The following PTPRK variants were observed in gnomAD, a reference collection of about 807,000 sequenced individuals.
PTPRK encodes the protein protein tyrosine phosphatase receptor type K.
Under a neutral mutation model 178.0 loss-of-function variants are expected in PTPRK, and 75 were observed. The observed-to-expected ratio is 0.42, with a 90% CI of 0.35 to 0.51. The LOEUF (loss-of-function observed/expected upper bound fraction) is 0.51, where lower values mean the gene tolerates loss of function less well. Ranked by LOEUF, PTPRK falls within the 20% of genes least tolerant of loss-of-function variation. PTPRK has a pLI of 0.02. For synonymous variants in PTPRK, 637 were observed against 620.6 expected, an observed-to-expected ratio of 1.03 and a Z score of -0.39; for missense variants, 1,441 against 1,797.8, an observed-to-expected ratio of 0.80 and a Z score of 3.59.
chr6:128,139,236 C>A (rs965923591), intron 7 of PTPRK, among the ~76,000 whole-genome samples: 5 of 151,956 alleles, frequency 3.3e-5, no homozygotes, highest in African/African-American at 1.2e-4. Context: ...GAACTTCCTG[C>A]AAGCAGTGGT....
At chr6:128,340,702 T>C in intron 2 of PTPRK, 1 of 422,306 alleles carries the variant, frequency 2.4e-6, no homozygotes, top group Non-Finnish European at 4.5e-6. Flanking sequence ...TAATATAAAA[T>C]GATGCTTTGT....
intron 13 of PTPRK, among the ~76,000 whole-genome samples, chr6:128,013,328 C>G (rs1779249371): frequency 6.6e-6 from 1 of 151,366 alleles, no homozygotes. Flanking sequence ...TATCCATTTT[C>G]ATCTCTTTAG....
At chr6:128,390,232 T>C (rs1318282924) in intron 2 of PTPRK, among the ~76,000 whole-genome samples, 1 of 152,184 alleles carries the variant, frequency 6.6e-6, no homozygotes, top group African/African-American at 2.4e-5. Context: ...TTACCATACA[T>C]GCTCTAATGA....
intron 13 of PTPRK, among the ~76,000 whole-genome samples, chr6:128,034,265 T>C (rs971202516): frequency 6.6e-6 from 1 of 151,800 alleles, no homozygotes; most frequent in African/African-American, 2.4e-5. Context: ...GGCAGCCCAA[T>C]CAACTTCTCC....
intron 2 of PTPRK, among the ~76,000 whole-genome samples, chr6:128,375,382 G>C (rs1836915328): frequency 6.6e-6 from 1 of 151,694 alleles, no homozygotes; most frequent in Non-Finnish European, 1.5e-5. Context: ...GGCAAAGAGA[G>C]CTTGTGCAGG....
intron 2 of PTPRK, among the ~76,000 whole-genome samples, chr6:128,359,284 G>GGGATTACAGGCGTGA (rs1242945185): frequency 1.3e-5 from 2 of 149,334 alleles, no homozygotes; most frequent in Non-Finnish European, 3.0e-5. Context: ...AACCCCATCT[G>GGGATTACAGGCGTGA]GGATTACAGG....
In PTPRK at chr6:128,240,094, C is replaced by T. The variant is rs1814117131; in HGVS notation, c.634G>A (p.Ala212Thr). The change falls in exon 5 of 30, where the codon GCT becomes ACT. Residue 212 changes from alanine to threonine, a missense_variant. Ala to Thr is a moderately conservative substitution (Grantham distance 58). Coordinates refer to ENST00000368226, the MANE Select transcript of PTPRK (RefSeq NM_002844.4). ...CCTGTGGCAATGCACTGAAATGTAG[C>T]GTTTTGCCCTGCATTCACCTCTACA... is the stretch of plus-strand genomic sequence containing the variant. ...GDVEVNAGQNATFQCIATGRD... is the reference protein window; with the variant it reads ...GDVEVNAGQNTTFQCIATGRD... The T allele has an allele frequency of 4.3e-6, 7 of 1,614,024 alleles. No homozygotes were observed. Among genetic ancestry groups the T allele is most frequent in the South Asian group, 1.1e-5 (1 of 91,090 alleles).
At position 127,990,832 on chromosome 6, in the gene PTPRK, T is replaced by C; in HGVS notation, c.3033A>G (p.Lys1011=). The change falls in exon 21 of 30, where the codon AAA becomes AAG. Residue 1011 remains lysine (K), a synonymous_variant. Coordinates refer to ENST00000368226, the MANE Select transcript of PTPRK (RefSeq NM_002844.4). ...GTGGTTCCATTTCTACACACGTTAC[T>C]TTGAAGTCACCATAAACTTCAGTAT... is the stretch of plus-strand genomic sequence containing the variant. ...PDDTEVYGDF[K]VTCVEMEPLA... 1 of 1,612,426 alleles carries C rather than the reference T, an allele frequency of 6.2e-7. No individual in the cohort carries two copies. Among genetic ancestry groups the C allele is most frequent in the Non-Finnish European group, 8.5e-7 (1 of 1,178,766 alleles).
chr6:127,999,587 G>A (rs567761105), intron 15 of PTPRK, among the ~76,000 whole-genome samples: 2 of 152,124 alleles, frequency 1.3e-5, no homozygotes, highest in East Asian at 3.9e-4. Context: ...ATCAGGGCGC[G>A]CTTCTGGAGC....
chr6:128,003,935 G>C (rs919919814), intron 15 of PTPRK, among the ~76,000 whole-genome samples: 1 of 151,440 alleles, frequency 6.6e-6, no homozygotes, highest in Non-Finnish European at 1.5e-5. Flanking sequence ...TACTAATTTG[G>C]TATACATATA....
intron 11 of PTPRK, among the ~76,000 whole-genome samples, chr6:128,072,525 T>C (rs934871393): frequency 6.6e-6 from 1 of 152,022 alleles, no homozygotes; most frequent in Admixed American, 6.6e-5. Flanking sequence ...CCCAGGATAA[T>C]AGCAACATTA....
At chr6:128,091,907 A>C (rs565561274) in intron 7 of PTPRK, among the ~76,000 whole-genome samples, 1 of 152,218 alleles carries the variant, frequency 6.6e-6, no homozygotes, top group Non-Finnish European at 1.5e-5. Context: ...ACTGTAAAGA[A>C]GACAGAGTAG....
intron 8 of PTPRK, among the ~76,000 whole-genome samples, chr6:128,086,348 C>G (rs1458886938): frequency 6.6e-6 from 1 of 151,582 alleles, no homozygotes; most frequent in African/African-American, 2.4e-5. Flanking sequence ...GCTGAGCTAA[C>G]TTTATAATAT....
chr6:128,149,563 A>G (rs1187322593), intron 7 of PTPRK, among the ~76,000 whole-genome samples: 1 of 152,100 alleles, frequency 6.6e-6, no homozygotes, highest in Admixed American at 6.6e-5. Context: ...TGTGACACCT[A>G]ATCTTGCTAA....
intron 1 of PTPRK, among the ~76,000 whole-genome samples, chr6:128,483,504 A>G (rs1477427066): frequency 6.6e-6 from 1 of 152,096 alleles, no homozygotes; most frequent in African/African-American, 2.4e-5. Flanking sequence ...AAATTTGCAT[A>G]GGTAAAGTGT....
At chr6:128,163,283 C>T (rs1229352982) in intron 7 of PTPRK, among the ~76,000 whole-genome samples, 1 of 150,844 alleles carries the variant, frequency 6.6e-6, no homozygotes, top group Non-Finnish European at 1.5e-5. Context: ...TAGCACAGTG[C>T]ACTGAAAATA....
chr6:128,240,296 T>G, intron 4 of PTPRK, 146 bp from the exon 5 acceptor site: 1 of 631,874 alleles, frequency 1.6e-6, no homozygotes, highest in South Asian at 2.0e-5. Context: ...GGGCTTTTTT[T>G]GTGCCGGAAG....
At chr6:128,449,861 C>T (rs543817959) in intron 1 of PTPRK, among the ~76,000 whole-genome samples, 174 of 149,786 alleles carry the variant, frequency 1.2e-3, no homozygotes, top group Admixed American at 2.1e-3. Flanking sequence ...TTTGGGAGGG[C>T]GAGGCAGAAG....
At chr6:128,092,891 G>T (rs1484336806) in intron 7 of PTPRK, among the ~76,000 whole-genome samples, 1 of 151,984 alleles carries the variant, frequency 6.6e-6, no homozygotes, top group African/African-American at 2.4e-5. Flanking sequence ...ATAATTACTT[G>T]AATTGCCATA....
Sources: allele counts gnomAD v4.1 joint callset (sites outside exome capture counted in the v4.1 genomes callset), GRCh38; gene constraint gnomAD v4.1.1; transcripts MANE v1.5; gene names NCBI Gene and HGNC (gene_info 2026-07-23, HGNC 2026-07-21).